The following ADAM32 variants were observed in gnomAD, a reference collection of about 807,000 sequenced individuals.
ADAM32 encodes the protein disintegrin and metalloproteinase domain-containing protein 32.
A neutral mutation model predicts 114.9 loss-of-function variants in ADAM32; 89 were observed. That is an observed-to-expected ratio of 0.77 (90% CI 0.65 to 0.92). The LOEUF (loss-of-function observed/expected upper bound fraction) is 0.92, where lower values mean the gene tolerates loss of function less well. ADAM32 is among the 40% of genes least tolerant of loss of function. The pLI is 0.00. For synonymous variants in ADAM32, 285 were observed against 307.5 expected (o/e 0.93, Z 0.77); for missense variants, 870 against 932.8 (o/e 0.93, Z 0.88).
intron 4 of ADAM32, among the ~76,000 whole-genome samples, chr8:39,149,397 C>G (rs1313146545): frequency 6.6e-6 from 1 of 152,104 alleles, no homozygotes; most frequent in African/African-American, 2.4e-5. Context: ...GCATCTAGCC[C>G]TTCAATCTTC....
chr8:39,133,750 T>C (rs146517031), intron 2 of ADAM32, among the ~76,000 whole-genome samples: 202 of 152,308 alleles, frequency 1.3e-3, no homozygotes, highest in African/African-American at 4.6e-3. Flanking sequence ...CTGGTGCTGA[T>C]AGCAGGTGGG....
chr8:39,256,046 C>A (rs1222088146), intron 18 of ADAM32, among the ~76,000 whole-genome samples: 1 of 151,800 alleles, frequency 6.6e-6, no homozygotes, highest in East Asian at 1.9e-4. Context: ...ACGTACTTGG[C>A]TTTATTTCTG....
intron 15 of ADAM32, 71 bp downstream of exon 15, chr8:39,232,206 G>C: frequency 8.0e-7 from 1 of 1,245,528 alleles, no homozygotes; most frequent in Non-Finnish European, 1.1e-6. Context: ...GCCCCCTTCT[G>C]TGTCATTCAT....
intron 2 of ADAM32, among the ~76,000 whole-genome samples, chr8:39,131,743 C>T (rs528168152): frequency 2.0e-5 from 3 of 152,146 alleles, no homozygotes; most frequent in African/African-American, 4.8e-5. Flanking sequence ...GATAATATTT[C>T]TTGTCTTTAA....
intron 17 of ADAM32, among the ~76,000 whole-genome samples, chr8:39,247,576 A>T (rs1269028601): frequency 1.3e-5 from 2 of 151,926 alleles, no homozygotes; most frequent in Non-Finnish European, 2.9e-5. Flanking sequence ...TTCTCTTCAT[A>T]TTTTGAATAA....
intron 13 of ADAM32, 140 bp from the exon 14 acceptor site, chr8:39,222,900 T>C (rs553516928): frequency 6.9e-6 from 4 of 577,860 alleles, no homozygotes; most frequent in African/African-American, 3.9e-5. Flanking sequence ...ATTATTAGCA[T>C]AGTAATTTGT....
rs758580977 is a variant in ADAM32 at position 39,211,289 on chromosome 8, G to A, written c.1198G>A (p.Glu400Lys). The A allele has an allele frequency of 1.4e-5, 22 of 1,582,762 alleles. No homozygotes were observed. The highest frequency in any genetic ancestry group is 1.9e-5 in the Non-Finnish European group (22 of 1,164,972). Reference sequence around the variant, plus strand: ...ACCAGTCTGTGGCAATGGCAGATTGGAGGGAAATGAAATCTGTGATTGTGG... The same window carrying A: ...ACCAGTCTGTGGCAATGGCAGATTGAAGGGAAATGAAATCTGTGATTGTGG... ...PKPVCGNGRLEGNEICDCGTE... is the reference protein window; with the variant it reads ...PKPVCGNGRLKGNEICDCGTE... The change falls in exon 12 of 25, where the codon GAG (glutamate) becomes AAG (lysine). Residue 400 changes from glutamate to lysine, a missense_variant. Transcript: ENST00000379907.
At chr8:39,188,840 T>G (rs1806414781) in intron 11 of ADAM32, among the ~76,000 whole-genome samples, 6 of 152,180 alleles carry the variant, frequency 3.9e-5, no homozygotes, top group Admixed American at 3.9e-4. Context: ...GAGTATTATA[T>G]TAATTTTTAC....
intron 10 of ADAM32, among the ~76,000 whole-genome samples, chr8:39,178,494 C>T (rs9298561): frequency 0.63 from 95,154 of 152,048 alleles, 31,388 homozygotes; most frequent in Middle Eastern, 0.78. Context: ...TTTTATTACC[C>T]ACCTTCTGAA....
At chr8:39,205,220 CA>C (rs1424968137) in intron 11 of ADAM32, among the ~76,000 whole-genome samples, 1 of 152,244 alleles carries the variant, frequency 6.6e-6, no homozygotes, top group Non-Finnish European at 1.5e-5. Flanking sequence ...GTGCTGCTCC[CA>C]GAGGTGGAGT....
At chr8:39,190,614 C>G (rs542490485) in intron 11 of ADAM32, among the ~76,000 whole-genome samples, 1 of 152,146 alleles carries the variant, frequency 6.6e-6, no homozygotes, top group African/African-American at 2.4e-5. Context: ...TATCTCATGG[C>G]GGTGTTGATT....
intron 17 of ADAM32, among the ~76,000 whole-genome samples, chr8:39,250,069 G>T (rs1267428212): frequency 6.6e-6 from 1 of 151,940 alleles, no homozygotes; most frequent in Admixed American, 6.6e-5. Context: ...TTTGGCATTT[G>T]TCCTGATTTT....
chr8:39,200,883 C>T (rs969499639), intron 11 of ADAM32, among the ~76,000 whole-genome samples: 16 of 152,078 alleles, frequency 1.1e-4, no homozygotes, highest in African/African-American at 2.9e-4. Flanking sequence ...AATAGGGAAT[C>T]GTTTCCCCAT....
intron 18 of ADAM32, among the ~76,000 whole-genome samples, chr8:39,256,979 A>G (rs1448360185): frequency 6.6e-6 from 1 of 151,876 alleles, no homozygotes; most frequent in East Asian, 1.9e-4. Flanking sequence ...ATACTTTTGA[A>G]CTTTCCAAAA....
intron 10 of ADAM32, among the ~76,000 whole-genome samples, chr8:39,175,884 T>C (rs567254402): frequency 5.5e-4 from 84 of 152,290 alleles, no homozygotes; most frequent in African/African-American, 1.8e-3. Flanking sequence ...TATTCAGGGA[T>C]TCAATTTCTT....
chr8:39,280,489 G>T (rs575965979), intron 22 of ADAM32, among the ~76,000 whole-genome samples: 28 of 152,214 alleles, frequency 1.8e-4, no homozygotes, highest in Non-Finnish European at 4.0e-4. Flanking sequence ...AAACTAACTT[G>T]GAGGCTGAAG....
rs1234089706 is a variant in ADAM32, at chr8:39,160,943, A to C, written c.572A>C (p.His191Pro). ...PDLFPLYLEM[H>P]IVVDKTLYDY... ...TTATTTCCTCTTTATCTAGAAATGC[A>C]TATTGTGGTGGACAAAACTTTGGTA... The change falls in exon 7 of 25, where the codon CAT becomes CCT. Residue 191 changes from histidine to proline, a missense_variant. Coordinates refer to ENST00000379907, the MANE Select transcript of ADAM32 (RefSeq NM_145004.7). 6 of 1,598,460 alleles carry C rather than the reference A, an allele frequency of 3.8e-6. No homozygotes were observed. Among genetic ancestry groups the C allele is most frequent in the Admixed American group, 1.7e-5 (1 of 57,552 alleles).
At chr8:39,162,231 A>G (rs1234459992) in intron 7 of ADAM32, among the ~76,000 whole-genome samples, 1 of 137,354 alleles carries the variant, frequency 7.3e-6, no homozygotes, top group East Asian at 2.2e-4. Flanking sequence ...TCGTTGTTCA[A>G]TTCCCACCTA....
intron 1 of ADAM32, among the ~76,000 whole-genome samples, chr8:39,111,531 T>C (rs1196228826): frequency 6.6e-6 from 1 of 151,686 alleles, no homozygotes; most frequent in East Asian, 1.9e-4. Flanking sequence ...AGGCCAGGAG[T>C]TCAGGACCAG....
Sources: gnomAD v4.1 joint callset for allele counts (sites outside exome capture counted in the v4.1 genomes callset) on GRCh38, gnomAD v4.1.1 for gene constraint, MANE v1.5 for transcripts, NCBI Gene and HGNC (gene_info 2026-07-23, HGNC 2026-07-21) for gene names.